Variants in FGF12 observed in about 807,000 individuals in gnomAD.
FGF12 encodes the protein fibroblast growth factor 12B.
Under a neutral mutation model 23.6 loss-of-function variants are expected in FGF12, and 14 were observed. The observed-to-expected ratio is 0.59, with a 90% CI of 0.39 to 0.93. The LOEUF (loss-of-function observed/expected upper bound fraction) is 0.93, where lower values mean the gene tolerates loss of function less well. Ranked by LOEUF, FGF12 falls within the 40% of genes least tolerant of loss-of-function variation. The pLI, the probability that FGF12 is intolerant of heterozygous loss-of-function variation, is 0.00. For synonymous variants in FGF12, 62 were observed against 77.3 expected (o/e 0.80, Z 1.04); for missense variants, 175 against 217.8 (o/e 0.80, Z 1.24).
rs3071843 is a variant in FGF12 at position 192,322,503 on chromosome 3, G to GACACACACACACACACAC, written c.228+12840_228+12857dup. 1.3e-3 allele frequency among the ~76,000 whole-genome samples: 198 copies of GACACACACACACACACAC among 149,298 alleles called. 1 individual carries two copies. Among genetic ancestry groups the GACACACACACACACACAC allele is most frequent in the Middle Eastern group, 0.01 (3 of 294 alleles). ...TATAATTTATATTAAACCACACGCA[G>GACACACACACACACACAC]ACACACACACACACACACACCCCAG... On this transcript the variant is annotated intron_variant, in intron 4 of 5. Coordinates refer to ENST00000445105, the MANE Select transcript of FGF12 (RefSeq NM_004113.6).
chr3:192,279,933 A>T (rs970461428), intron 4 of FGF12, among the ~76,000 whole-genome samples: 5 of 152,228 alleles, frequency 3.3e-5, no homozygotes, highest in Admixed American at 6.5e-5. Flanking sequence ...TATGCAAACA[A>T]TTTAGCCTTG....
chr3:192,269,841 C>A (rs530352416), intron 4 of FGF12, among the ~76,000 whole-genome samples: 27 of 151,992 alleles, frequency 1.8e-4, no homozygotes, highest in African/African-American at 6.5e-4. Flanking sequence ...ACATACAGCT[C>A]TTTTTTTTCT....
chr3:192,601,499 C>A (rs1409369891), intron 2 of FGF12, among the ~76,000 whole-genome samples: 1 of 152,080 alleles, frequency 6.6e-6, no homozygotes, highest in African/African-American at 2.4e-5. Context: ...AATTACCCTT[C>A]TCTGATCATA....
intron 2 of FGF12, among the ~76,000 whole-genome samples, chr3:192,444,537 G>A (rs1722294060): frequency 1.3e-5 from 2 of 152,058 alleles, no homozygotes; most frequent in African/African-American, 2.4e-5. Context: ...TGGAACCAGT[G>A]GGGAAAAAAG....
intron 4 of FGF12, among the ~76,000 whole-genome samples, chr3:192,278,909 T>A (rs2108637002): frequency 6.6e-6 from 1 of 152,238 alleles, no homozygotes; most frequent in East Asian, 1.9e-4. Flanking sequence ...AAGATATCAG[T>A]CATGGTGGTT....
At chr3:192,289,378 C>T (rs1436979346) in intron 4 of FGF12, among the ~76,000 whole-genome samples, 5 of 152,030 alleles carry the variant, frequency 3.3e-5, no homozygotes, top group Non-Finnish European at 7.4e-5. Flanking sequence ...AAATAGGTAA[C>T]GTGACTGGTG....
At chr3:192,410,771 G>A (rs1347742680) in intron 2 of FGF12, among the ~76,000 whole-genome samples, 2 of 152,188 alleles carry the variant, frequency 1.3e-5, no homozygotes, top group East Asian at 1.9e-4. Flanking sequence ...GCGAGGGAGT[G>A]ATGTGGACAA....
chr3:192,335,759 A>T (rs1717373815), intron 3 of FGF12, among the ~76,000 whole-genome samples: 1 of 152,112 alleles, frequency 6.6e-6, no homozygotes, highest in African/African-American at 2.4e-5. Context: ...CCTTAAAATG[A>T]TCCTCAAACA....
chr3:192,309,153 A>G (rs1715807535), intron 4 of FGF12, among the ~76,000 whole-genome samples: 1 of 152,224 alleles, frequency 6.6e-6, no homozygotes, highest in Admixed American at 6.5e-5. Flanking sequence ...AAAAAATAAC[A>G]TGCAGAGTGC....
intron 2 of FGF12, among the ~76,000 whole-genome samples, chr3:192,550,599 C>T (rs1451728036): frequency 2.6e-5 from 4 of 151,502 alleles, no homozygotes; most frequent in African/African-American, 2.4e-5. Flanking sequence ...GGAAGAGGGC[C>T]GTTTCAGACA....
intron 4 of FGF12, among the ~76,000 whole-genome samples, chr3:192,301,552 C>T (rs1274328539): frequency 6.6e-6 from 1 of 151,924 alleles, no homozygotes; most frequent in African/African-American, 2.4e-5. Flanking sequence ...GAGTAAGAAC[C>T]CAAAAAATTA....
chr3:192,232,479 T>TG (rs1227262738), intron 4 of FGF12, among the ~76,000 whole-genome samples: 1 of 152,024 alleles, frequency 6.6e-6, no homozygotes, highest in Non-Finnish European at 1.5e-5. Flanking sequence ...CCCTAGCAAG[T>TG]GAAGATTAAT....
intron 4 of FGF12, among the ~76,000 whole-genome samples, chr3:192,331,295 C>A (rs1577359958): frequency 9.0e-6 from 1 of 110,940 alleles, no homozygotes; most frequent in African/African-American, 3.3e-5. Context: ...ATAGGGAAAA[C>A]AGTATGGAGT....
intron 2 of FGF12, among the ~76,000 whole-genome samples, chr3:192,387,749 T>C (rs1191945181): frequency 6.6e-6 from 1 of 151,668 alleles, no homozygotes; most frequent in African/African-American, 2.4e-5. Context: ...TATCTGGTTG[T>C]GGTGGTGTGT....
At chr3:192,145,103 T>C (rs191304850) in intron 5 of FGF12, among the ~76,000 whole-genome samples, 9 of 151,476 alleles carry the variant, frequency 5.9e-5, no homozygotes, top group African/African-American at 1.7e-4. Context: ...TGGTTACCGA[T>C]TTGCGAACCA....
intron 2 of FGF12, among the ~76,000 whole-genome samples, chr3:192,621,690 C>CAAAA (rs5855441): frequency 0.1 from 9,389 of 93,966 alleles, 949 homozygotes; most frequent in African/African-American, 0.23. Flanking sequence ...GATACAAATA[C>CAAAA]AAAAAAAAAA....
intron 2 of FGF12, among the ~76,000 whole-genome samples, chr3:192,640,019 A>G (rs1715730907): frequency 6.6e-6 from 1 of 151,984 alleles, no homozygotes; most frequent in African/African-American, 2.4e-5. Context: ...AAAAAAAAAA[A>G]GTGAAATATA....
chr3:192,705,571 G>A (rs183312436), intron 2 of FGF12, among the ~76,000 whole-genome samples: 2 of 152,310 alleles, frequency 1.3e-5, no homozygotes, highest in Non-Finnish European at 2.9e-5. Flanking sequence ...TCTTATGTGG[G>A]CATGGCTTGT....
chr3:192,368,363 T>C (rs995321452), intron 2 of FGF12, among the ~76,000 whole-genome samples: 1 of 152,182 alleles, frequency 6.6e-6, no homozygotes, highest in Non-Finnish European at 1.5e-5. Context: ...TAATAAAATG[T>C]TAGTATAAGT....
Sources: gnomAD v4.1 joint callset for allele counts (sites outside exome capture counted in the v4.1 genomes callset) on GRCh38, gnomAD v4.1.1 for gene constraint, MANE v1.5 for transcripts, NCBI Gene and HGNC (gene_info 2026-07-23, HGNC 2026-07-21) for gene names.